ROBO2: variants seen among roughly 807,000 people sequenced by gnomAD.
ROBO2 encodes the protein roundabout guidance receptor 2.
Under a neutral mutation model 160.8 loss-of-function variants are expected in ROBO2, and 53 were observed. That is an observed-to-expected ratio of 0.33 (90% CI 0.26 to 0.41). The LOEUF (loss-of-function observed/expected upper bound fraction) is 0.41, where lower values mean the gene tolerates loss of function less well. Among genes scored for constraint, ROBO2 ranks in the 10% least tolerant of loss-of-function variants. The pLI is 1.00. For synonymous variants in ROBO2, 664 were observed against 611.7 expected (o/e 1.09, Z -1.26); for missense variants, 1,577 against 1,722.4 (o/e 0.92, Z 1.49).
At chr3:76,515,555 A>C (rs1427979037) in intron 2 of ROBO2, among the ~76,000 whole-genome samples, 2 of 152,078 alleles carry the variant, frequency 1.3e-5, no homozygotes, top group Non-Finnish European at 2.9e-5. Context: ...ATCCATTCAA[A>C]TGTGTACACA....
chr3:77,271,884 A>C (rs1046460688), intron 2 of ROBO2, among the ~76,000 whole-genome samples: 1 of 152,140 alleles, frequency 6.6e-6, no homozygotes, highest in Non-Finnish European at 1.5e-5. Flanking sequence ...TTACAGCCAG[A>C]GGGTTCGCGT....
At chr3:76,159,033 C>G (rs116705671) in intron 2 of ROBO2, among the ~76,000 whole-genome samples, 313 of 152,196 alleles carry the variant, frequency 2.1e-3, no homozygotes, top group African/African-American at 7.1e-3. Flanking sequence ...CCATTGCTCC[C>G]TTAAGATTAC....
At chr3:76,363,454 G>A (rs761041781) in intron 2 of ROBO2, among the ~76,000 whole-genome samples, 32 of 152,108 alleles carry the variant, frequency 2.1e-4, no homozygotes, top group African/African-American at 5.3e-4. Context: ...AAAGGATATC[G>A]TAACAGAATC....
intron 2 of ROBO2, among the ~76,000 whole-genome samples, chr3:76,171,584 A>G (rs1037929225): frequency 6.6e-6 from 1 of 152,090 alleles, no homozygotes; most frequent in Non-Finnish European, 1.5e-5. Context: ...ATTATGGAGT[A>G]TGTCCTCATT....
intron 2 of ROBO2, among the ~76,000 whole-genome samples, chr3:77,188,308 A>G (rs1387442603): frequency 6.9e-6 from 1 of 145,076 alleles, no homozygotes; most frequent in Admixed American, 7.0e-5. Context: ...ATTAAATAAT[A>G]TGAAAGAGAA....
chr3:76,538,186 A>ACACCG (rs2082620211), intron 2 of ROBO2, among the ~76,000 whole-genome samples: 1 of 140,720 alleles, frequency 7.1e-6, no homozygotes, highest in African/African-American at 2.9e-5. Flanking sequence ...CACACACACC[A>ACACCG]TATTCATACA....
intron 2 of ROBO2, among the ~76,000 whole-genome samples, chr3:76,813,695 G>T (rs185868861): frequency 6.6e-6 from 1 of 152,102 alleles, no homozygotes; most frequent in East Asian, 1.9e-4. Flanking sequence ...GTTCTATCTG[G>T]TAACTCACAG....
At chr3:76,806,606 G>A (rs2064741123) in intron 2 of ROBO2, among the ~76,000 whole-genome samples, 1 of 151,932 alleles carries the variant, frequency 6.6e-6, no homozygotes, top group Admixed American at 6.6e-5. Context: ...GCTTCTCAGA[G>A]ATGCAATCCA....
chr3:76,877,565 G>T (rs1221084061), intron 2 of ROBO2, among the ~76,000 whole-genome samples: 1 of 152,194 alleles, frequency 6.6e-6, no homozygotes, highest in East Asian at 1.9e-4. Flanking sequence ...TGACATGTTT[G>T]CTTTGGTTTT....
At chr3:76,331,076 A>T (rs940096814) in intron 2 of ROBO2, among the ~76,000 whole-genome samples, 2 of 152,192 alleles carry the variant, frequency 1.3e-5, no homozygotes, top group Admixed American at 6.5e-5. Context: ...ACCACTTCGA[A>T]TGGAATAACT....
At chr3:76,978,493 G>GATTCTTCT (rs1390969337) in intron 2 of ROBO2, among the ~76,000 whole-genome samples, 1 of 152,028 alleles carries the variant, frequency 6.6e-6, no homozygotes, top group Non-Finnish European at 1.5e-5. Context: ...AAATGCGATG[G>GATTCTTCT]ATTCTTCTAA....
intron 2 of ROBO2, among the ~76,000 whole-genome samples, chr3:76,266,022 T>C (rs969177021): frequency 6.6e-6 from 1 of 152,152 alleles, no homozygotes; most frequent in African/African-American, 2.4e-5. Flanking sequence ...ATGCTGGAAA[T>C]TGAAGGTTTT....
At chr3:77,575,896 C>T (rs1232573489) in intron 14 of ROBO2, among the ~76,000 whole-genome samples, 1 of 152,000 alleles carries the variant, frequency 6.6e-6, no homozygotes, top group Non-Finnish European at 1.5e-5. Flanking sequence ...AGACATTTGT[C>T]CCTGTTGGGT....
At chr3:77,022,930 T>C (rs904404169) in intron 2 of ROBO2, among the ~76,000 whole-genome samples, 1 of 152,206 alleles carries the variant, frequency 6.6e-6, no homozygotes, top group Non-Finnish European at 1.5e-5. Flanking sequence ...ACCCTGTATC[T>C]ATTAAACAAT....
At chr3:76,997,240 T>C (rs2061068770) in intron 2 of ROBO2, among the ~76,000 whole-genome samples, 1 of 152,226 alleles carries the variant, frequency 6.6e-6, no homozygotes, top group South Asian at 2.1e-4. Context: ...ACTTTTTATA[T>C]ATGTGACCAT....
At position 77,212,932 on chromosome 3, in the gene ROBO2, A is replaced by G. The variant is rs1235821802; in HGVS notation, c.388+114592A>G. On this transcript the variant is annotated intron_variant, in intron 2 of 25. Coordinates refer to ENST00000461745, the Ensembl canonical transcript of ROBO2. ...GCATCCCAGGGATGAAGCCCACTTGATCATGGTGGATAAGCTTTTTGATGT... is the reference window on the plus strand; with the variant it reads ...GCATCCCAGGGATGAAGCCCACTTGGTCATGGTGGATAAGCTTTTTGATGT... 3.3e-5 allele frequency among the ~76,000 whole-genome samples: 5 copies of G among 152,118 alleles called. No homozygotes were observed. In the East Asian group the frequency reaches 5.8e-4, roughly 18 times the overall value.
At chr3:76,791,112 A>G (rs1268407189) in intron 2 of ROBO2, among the ~76,000 whole-genome samples, 1 of 151,800 alleles carries the variant, frequency 6.6e-6, no homozygotes, top group Admixed American at 6.6e-5. Context: ...CATTTTCGCC[A>G]GTGTGATGAA....
chr3:76,437,726 G>A (rs1187626295), intron 2 of ROBO2, among the ~76,000 whole-genome samples: 1 of 152,122 alleles, frequency 6.6e-6, no homozygotes, highest in African/African-American at 2.4e-5. Flanking sequence ...GTCTTGTGCT[G>A]TACTCAAGTG....
intron 2 of ROBO2, among the ~76,000 whole-genome samples, chr3:75,942,854 A>G (rs1046091157): frequency 6.6e-6 from 1 of 152,142 alleles, no homozygotes; most frequent in African/African-American, 2.4e-5. Flanking sequence ...ATCTGTGTAG[A>G]TTAATCATGC....
Sources: allele counts gnomAD v4.1 joint callset (sites outside exome capture counted in the v4.1 genomes callset), GRCh38; gene constraint gnomAD v4.1.1; transcripts MANE v1.5; gene names NCBI Gene and HGNC (gene_info 2026-07-23, HGNC 2026-07-21).